GFRA1: variants seen among roughly 807,000 people sequenced by gnomAD.
The protein encoded by GFRA1 is GDNF family receptor alpha-1.
In GFRA1, 16 loss-of-function variants were observed where a neutral mutation model predicts 51.6. The ratio of observed to expected loss-of-function variants is 0.31; its 90% CI spans 0.21 to 0.47. The LOEUF (loss-of-function observed/expected upper bound fraction) is 0.47. Among genes scored for constraint, GFRA1 ranks in the 20% least tolerant of loss-of-function variants. GFRA1 has a pLI of 1.00. For missense variants in GFRA1, 530 were observed against 594.3 expected (o/e 0.89, Z 1.13); for synonymous variants, 270 against 241.3 (o/e 1.12, Z -1.10).
chr10:116,237,519 T>C (rs1270010337), intron 4 of GFRA1, among the ~76,000 whole-genome samples: 1 of 148,730 alleles, frequency 6.7e-6, no homozygotes, highest in African/African-American at 2.5e-5. Flanking sequence ...ATGCCTGTTA[T>C]GCAGCAGACA....
At chr10:116,165,593 T>C (rs959217911) in intron 5 of GFRA1, among the ~76,000 whole-genome samples, 2 of 152,090 alleles carry the variant, frequency 1.3e-5, no homozygotes, top group African/African-American at 4.8e-5. Flanking sequence ...TGTGTACTTA[T>C]GAGGTTTCTA....
rs1335081385 is a variant in GFRA1, at chr10:116,211,725, G to A, written c.419-80C>T. ...AAATATTAATAATAATGTTGAAAAG[G>A]ACAGTATGATGATGACATATGCTGA... On this transcript the variant is annotated intron_variant, in intron 4 of 10. Coordinates refer to ENST00000355422, the MANE Select transcript of GFRA1 (RefSeq NM_005264.8). The A allele has an allele frequency of 2.4e-5, 28 of 1,174,002 alleles. No individual in the cohort carries two copies. The East Asian group carries it at 6.6e-4, about 28-fold the overall frequency. 72.7% of individuals were successfully genotyped at this position (1,174,002 alleles called of 1,614,324 possible). A position where few individuals can be genotyped will look rare whatever the true frequency, so the allele number is the denominator to read the frequency against.
At chr10:116,224,207 T>G (rs1017502591) in intron 4 of GFRA1, among the ~76,000 whole-genome samples, 1 of 152,212 alleles carries the variant, frequency 6.6e-6, no homozygotes, top group Non-Finnish European at 1.5e-5. Flanking sequence ...TGCTGGTGAT[T>G]ATGTAGAGAA....
At chr10:116,075,441 G>A (rs1275677516) in intron 9 of GFRA1, among the ~76,000 whole-genome samples, 1 of 152,138 alleles carries the variant, frequency 6.6e-6, no homozygotes, top group Non-Finnish European at 1.5e-5. Flanking sequence ...CCTGGAGGCT[G>A]AGTTACTGTG....
chr10:116,252,268 T>C (rs1266221193), intron 4 of GFRA1, among the ~76,000 whole-genome samples: 1 of 152,062 alleles, frequency 6.6e-6, no homozygotes. Context: ...CGAATCCGCA[T>C]GAGAGCCATT....
chr10:116,259,949 G>T (rs1435123964), intron 4 of GFRA1, among the ~76,000 whole-genome samples: 3 of 152,164 alleles, frequency 2.0e-5, no homozygotes, highest in Non-Finnish European at 4.4e-5. Context: ...CACACGGCAG[G>T]GGAAGGGGAC....
At chr10:116,221,070 A>C (rs1255527111) in intron 4 of GFRA1, among the ~76,000 whole-genome samples, 1 of 152,182 alleles carries the variant, frequency 6.6e-6, no homozygotes, top group Non-Finnish European at 1.5e-5. Flanking sequence ...ATTAATATTA[A>C]TAATAACTAA....
intron 8 of GFRA1, among the ~76,000 whole-genome samples, chr10:116,093,338 C>T (rs76170457): frequency 0.017 from 2,561 of 152,268 alleles, 49 homozygotes; most frequent in African/African-American, 0.045. Flanking sequence ...ACAGACTCTC[C>T]GCAGGCTGCC....
intron 5 of GFRA1, among the ~76,000 whole-genome samples, chr10:116,127,925 A>G (rs1957942967): frequency 6.6e-6 from 1 of 152,232 alleles, no homozygotes; most frequent in African/African-American, 2.4e-5. Flanking sequence ...CAATTTCACT[A>G]CCTACACTTA....
At chr10:116,096,357 T>C (rs142694373) in intron 7 of GFRA1, among the ~76,000 whole-genome samples, 94 of 152,314 alleles carry the variant, frequency 6.2e-4, no homozygotes, top group Middle Eastern at 3.4e-3. Flanking sequence ...TCTGCTTTTG[T>C]TCTGCGTGGT....
At position 116,128,776 on chromosome 10, in the gene GFRA1, T is replaced by G. The variant is rs182253543; in HGVS notation, c.434-3219A>C. Among the ~76,000 whole-genome samples the G allele has an allele frequency of 6.1e-4, 93 of 151,944 alleles. No individual in the cohort carries two copies. The East Asian group carries it at 0.014, about 22-fold the overall frequency. ...ATTGGCCTAGGTTATACCTTCTTTG[T>G]TATAATAATACCTTTTTAAAGTTGT... is the stretch of plus-strand genomic sequence containing the variant. On this transcript the variant is annotated intron_variant, in intron 5 of 10. Transcript: ENST00000355422.
rs577681200 is a variant in GFRA1, at chr10:116,170,997, C to T, written c.433+40634G>A. Among the ~76,000 whole-genome samples, 160 of 152,286 alleles carry T rather than the reference C, an allele frequency of 1.1e-3. 2 individuals carry two copies. The highest frequency in any genetic ancestry group is 3.7e-3 in the African/African-American group (153 of 41,564). ...AAGTCACCCTCACAGTATTTGCAGG[C>T]TAATCTTTCTACGTTTACTTATAAA... On this transcript the variant is annotated intron_variant, in intron 5 of 10. Coordinates refer to ENST00000355422, the MANE Select transcript of GFRA1 (RefSeq NM_005264.8).
intron 5 of GFRA1, among the ~76,000 whole-genome samples, chr10:116,176,725 CCTCCT>C (rs1961647275): frequency 7.7e-6 from 1 of 130,706 alleles, no homozygotes. Flanking sequence ...TCCCTCCCTC[CCTCCT>C]TCCTTCCTTC....
chr10:116,210,827 G>A (rs1017387176), intron 5 of GFRA1, among the ~76,000 whole-genome samples: 6 of 152,124 alleles, frequency 3.9e-5, no homozygotes, highest in African/African-American at 1.4e-4. Context: ...GCAGATGTGT[G>A]CTACCAACAT....
intron 9 of GFRA1, among the ~76,000 whole-genome samples, chr10:116,074,552 C>A (rs7921570): frequency 0.045 from 6,820 of 152,232 alleles, 508 homozygotes; most frequent in African/African-American, 0.16. Context: ...AGAGGTCAAG[C>A]CAGGCCAGGA....
At chr10:116,238,926 A>G (rs1712604033) in intron 4 of GFRA1, among the ~76,000 whole-genome samples, 1 of 152,200 alleles carries the variant, frequency 6.6e-6, no homozygotes, top group Admixed American at 6.5e-5. Context: ...AAAATTTTAA[A>G]GCTTGTATGT....
intron 5 of GFRA1, among the ~76,000 whole-genome samples, chr10:116,198,248 G>A (rs916146443): frequency 6.6e-6 from 1 of 152,074 alleles, no homozygotes. Flanking sequence ...ACTGCTGGAG[G>A]TCCCAAACCT....
chr10:116,082,698 C>A (rs1179542325), intron 9 of GFRA1, among the ~76,000 whole-genome samples: 1 of 152,146 alleles, frequency 6.6e-6, no homozygotes, highest in East Asian at 1.9e-4. Context: ...AGGCAGGTCT[C>A]AAACTCCTGA....
At chr10:116,148,820 G>A (rs1168841110) in intron 5 of GFRA1, among the ~76,000 whole-genome samples, 1 of 152,230 alleles carries the variant, frequency 6.6e-6, no homozygotes, top group East Asian at 1.9e-4. Flanking sequence ...GAAGAAGGAT[G>A]AGAGAATGAA....
Sources: allele counts gnomAD v4.1 joint callset (sites outside exome capture counted in the v4.1 genomes callset), GRCh38; gene constraint gnomAD v4.1.1; transcripts MANE v1.5; gene names NCBI Gene and HGNC (gene_info 2026-07-23, HGNC 2026-07-21).